Variants in ENPP6 observed in about 807,000 individuals in gnomAD.
ENPP6 encodes the protein glycerophosphocholine cholinephosphodiesterase ENPP6.
In ENPP6, 32 loss-of-function variants were observed where a neutral mutation model predicts 42.0. That is an observed-to-expected ratio of 0.76 (90% CI 0.58 to 1.02). The LOEUF (loss-of-function observed/expected upper bound fraction) is 1.02. Ranked by LOEUF, ENPP6 falls within the 50% of genes least tolerant of loss-of-function variation. The pLI is 0.00. For missense variants in ENPP6, 552 were observed against 566.8 expected, an observed-to-expected ratio of 0.97 and a Z score of 0.27; for synonymous variants, 213 against 216.0, an observed-to-expected ratio of 0.99 and a Z score of 0.12.
intron 1 of ENPP6, among the ~76,000 whole-genome samples, chr4:184,202,903 A>C (rs1732927204): frequency 6.6e-6 from 1 of 152,204 alleles, no homozygotes; most frequent in Non-Finnish European, 1.5e-5. Context: ...TTCTGTTCTC[A>C]CAGCAAGCCT....
intron 6 of ENPP6, among the ~76,000 whole-genome samples, chr4:184,102,833 C>A (rs1048027520): frequency 2.0e-5 from 3 of 152,240 alleles, no homozygotes; most frequent in Non-Finnish European, 4.4e-5. Flanking sequence ...TCAGCCTGGA[C>A]CTGGCTCCGG....
At chr4:184,128,934 A>G (rs1736549511) in intron 2 of ENPP6, among the ~76,000 whole-genome samples, 1 of 152,256 alleles carries the variant, frequency 6.6e-6, no homozygotes, top group Admixed American at 6.5e-5. Flanking sequence ...ATGATAATTA[A>G]CCACCAATAA....
At position 184,199,288 on chromosome 4, in the gene ENPP6, G is replaced by T. The variant is rs575937400; in HGVS notation, c.241+18291C>A. 2.0e-5 allele frequency among the ~76,000 whole-genome samples: 3 copies of T among 152,292 alleles called. No individual in the cohort carries two copies. In the East Asian group the frequency reaches 5.8e-4, roughly 29 times the overall value. ...TCTGTGATGAGATATCTCACGGGCTGGGGGGCTGTTGTCAGGAGTCTGGGC... is the reference window on the plus strand; with the variant it reads ...TCTGTGATGAGATATCTCACGGGCTTGGGGGCTGTTGTCAGGAGTCTGGGC... On this transcript the variant is annotated intron_variant, in intron 1 of 7. Coordinates refer to ENST00000296741, the MANE Select transcript of ENPP6 (RefSeq NM_153343.4).
intron 1 of ENPP6, among the ~76,000 whole-genome samples, chr4:184,158,696 C>T (rs954184750): frequency 1.3e-5 from 2 of 152,140 alleles, no homozygotes; most frequent in African/African-American, 4.8e-5. Context: ...TATCTTCTTT[C>T]TAAGTTTAGA....
At chr4:184,206,982 A>C (rs912336315) in intron 1 of ENPP6, among the ~76,000 whole-genome samples, 1 of 152,216 alleles carries the variant, frequency 6.6e-6, no homozygotes, top group Non-Finnish European at 1.5e-5. Flanking sequence ...CTGTGTGAGA[A>C]CGGGACCTCT....
chr4:184,169,796 G>A (rs955981502), intron 1 of ENPP6, among the ~76,000 whole-genome samples: 4 of 152,206 alleles, frequency 2.6e-5, no homozygotes, highest in South Asian at 2.1e-4. Context: ...GACTACCTAC[G>A]TTTACCTCTC....
intron 6 of ENPP6, among the ~76,000 whole-genome samples, chr4:184,101,110 G>C (rs1735992641): frequency 6.6e-6 from 1 of 152,140 alleles, no homozygotes; most frequent in South Asian, 2.1e-4. Flanking sequence ...ACGCAGCTGT[G>C]TGCATGCAAC....
intron 1 of ENPP6, among the ~76,000 whole-genome samples, chr4:184,179,377 A>T (rs1293259168): frequency 6.6e-6 from 1 of 152,228 alleles, no homozygotes; most frequent in Non-Finnish European, 1.5e-5. Flanking sequence ...TTCATAAAAC[A>T]AGTTTTTAGA....
intron 2 of ENPP6, among the ~76,000 whole-genome samples, chr4:184,131,796 A>G (rs1017772038): frequency 8.5e-5 from 12 of 140,586 alleles, no homozygotes; most frequent in Non-Finnish European, 1.7e-4. Flanking sequence ...GGACCAATAG[A>G]ACACACACAC....
intron 1 of ENPP6, among the ~76,000 whole-genome samples, chr4:184,167,383 A>T (rs189733387): frequency 1.2e-3 from 185 of 152,290 alleles, no homozygotes; most frequent in Non-Finnish European, 1.7e-3. Flanking sequence ...CCAAAGTGGG[A>T]TCAAGCTTTT....
chr4:184,194,939 C>A (rs1198120395), intron 1 of ENPP6, among the ~76,000 whole-genome samples: 1 of 152,126 alleles, frequency 6.6e-6, no homozygotes, highest in East Asian at 1.9e-4. Flanking sequence ...TAGACCTCAG[C>A]AGGAAAAAGA....
chr4:184,148,836 A>T (rs2111375007), intron 2 of ENPP6, among the ~76,000 whole-genome samples: 1 of 152,358 alleles, frequency 6.6e-6, no homozygotes, highest in East Asian at 1.9e-4. Context: ...TGTGTATGTT[A>T]TCACATCAAG....
intron 2 of ENPP6, among the ~76,000 whole-genome samples, chr4:184,133,785 A>T (rs1736683160): frequency 6.6e-6 from 1 of 151,302 alleles, no homozygotes; most frequent in South Asian, 2.1e-4. Flanking sequence ...CTAGTTTAGG[A>T]TTGTATCAAT....
chr4:184,093,101 C>T (rs772775163), intron 7 of ENPP6, among the ~76,000 whole-genome samples: 10 of 152,120 alleles, frequency 6.6e-5, no homozygotes, highest in Non-Finnish European at 1.2e-4. Flanking sequence ...TGGGCTCTAC[C>T]GCCAGCCTGC....
chr4:184,200,333 G>A (rs4862336), intron 1 of ENPP6, among the ~76,000 whole-genome samples: 120,865 of 152,050 alleles, frequency 0.79, 48,928 homozygotes, highest in East Asian at 0.98. Flanking sequence ...CCGAGCCATC[G>A]CCGCGTTTCC....
At chr4:184,216,096 C>A (rs1378371202) in intron 1 of ENPP6, among the ~76,000 whole-genome samples, 2 of 152,136 alleles carry the variant, frequency 1.3e-5, no homozygotes, top group African/African-American at 2.4e-5. Flanking sequence ...TGAATTGGGT[C>A]CCCTGGCAAG....
intron 7 of ENPP6, among the ~76,000 whole-genome samples, chr4:184,096,220 C>T (rs1440304342): frequency 2.0e-5 from 3 of 152,310 alleles, no homozygotes; most frequent in East Asian, 1.9e-4. Flanking sequence ...CGATGGTAGG[C>T]TGAATGAGGG....
intron 2 of ENPP6, among the ~76,000 whole-genome samples, chr4:184,143,517 G>T (rs572327753): frequency 1.3e-5 from 2 of 152,332 alleles, no homozygotes; most frequent in African/African-American, 4.8e-5. Context: ...CTGTGGGTGA[G>T]CCCTGAGACA....
At chr4:184,151,634 A>G (rs944421123) in intron 2 of ENPP6, among the ~76,000 whole-genome samples, 3 of 152,214 alleles carry the variant, frequency 2.0e-5, no homozygotes, top group African/African-American at 7.2e-5. Flanking sequence ...TATTGGCCAC[A>G]TTCATCTTGA....
Sources: gnomAD v4.1 joint callset for allele counts (sites outside exome capture counted in the v4.1 genomes callset) on GRCh38, gnomAD v4.1.1 for gene constraint, MANE v1.5 for transcripts, NCBI Gene and HGNC (gene_info 2026-07-23, HGNC 2026-07-21) for gene names.